TAOK1: variants seen among roughly 807,000 people sequenced by gnomAD.
TAOK1 encodes TAO kinase 1.
A neutral mutation model predicts 138.3 loss-of-function variants in TAOK1; 21 were observed. That is an observed-to-expected ratio of 0.15 (90% CI 0.11 to 0.22). The LOEUF (loss-of-function observed/expected upper bound fraction) is 0.22. Ranked by LOEUF, TAOK1 falls within the 10% of genes least tolerant of loss-of-function variation. The pLI, the probability that TAOK1 is intolerant of heterozygous loss-of-function variation, is 1.00. For missense variants in TAOK1, 651 were observed against 1,227.7 expected (o/e 0.53, Z 7.02); for synonymous variants, 361 against 398.4 (o/e 0.91, Z 1.12).
In TAOK1 at chr17:29,517,673, A is replaced by T; in HGVS notation, c.1908+17A>T. 1 of 1,580,858 alleles carries T rather than the reference A, an allele frequency of 6.3e-7. No homozygotes were observed. Among genetic ancestry groups the T allele is most frequent in the Non-Finnish European group, 8.6e-7 (1 of 1,167,316 alleles). On this transcript the variant is annotated intron_variant, in intron 16 of 19. Transcript: ENST00000261716. ...GTCAGGGAGGTAAGTTTGAGTGATG[A>T]GAAATTTTAAATCCTTTATCAAAAG...
chr17:29,424,207 C>G (rs529364934), intron 1 of TAOK1, among the ~76,000 whole-genome samples: 46 of 151,822 alleles, frequency 3.0e-4, no homozygotes, highest in African/African-American at 1.1e-3. Flanking sequence ...GAGGCCGAGA[C>G]GGGCAGATCA....
chr17:29,528,718 T>C (rs2032053734), intron 17 of TAOK1, among the ~76,000 whole-genome samples: 1 of 151,032 alleles, frequency 6.6e-6, no homozygotes, highest in African/African-American at 2.4e-5. Flanking sequence ...TGCAAGCCTG[T>C]AATCCCCACT....
At chr17:29,466,004 G>A (rs1308755484) in intron 2 of TAOK1, among the ~76,000 whole-genome samples, 3 of 151,562 alleles carry the variant, frequency 2.0e-5, no homozygotes, top group African/African-American at 7.3e-5. Flanking sequence ...TAAGAGTTTG[G>A]CCTTCTCTAC....
chr17:29,473,030 A>G (rs1288244706), intron 3 of TAOK1, among the ~76,000 whole-genome samples: 1 of 152,226 alleles, frequency 6.6e-6, no homozygotes, highest in Non-Finnish European at 1.5e-5. Flanking sequence ...GGCAAAGACC[A>G]GTAATATTTT....
chr17:29,429,132 T>C (rs1362838686), intron 1 of TAOK1, among the ~76,000 whole-genome samples: 1 of 152,158 alleles, frequency 6.6e-6, no homozygotes, highest in African/African-American at 2.4e-5. Context: ...GGTATTCTTA[T>C]GGAAGCAGAT....
In TAOK1 at chr17:29,545,575, T is replaced by A. The variant is rs1485439488; in HGVS notation, c.*2553T>A. ...TTTACATGTAGGTCATGACTATACC[T>A]GGATTTTATCATTAAGTTAACTTTA... is the stretch of plus-strand genomic sequence containing the variant. On this transcript the variant is annotated 3_prime_UTR_variant, in exon 20 of 20. Coordinates refer to ENST00000261716, the MANE Select transcript of TAOK1 (RefSeq NM_020791.4). 1 of 152,208 alleles carries A rather than the reference T, an allele frequency of 6.6e-6. No homozygotes were observed. The highest frequency in any genetic ancestry group is 1.5e-5 in the Non-Finnish European group (1 of 68,020). The allele number at this position is 152,208 out of a possible 1,614,324, so 9.4% of individuals were successfully genotyped here. A position where few individuals can be genotyped will look rare whatever the true frequency, so the allele number is the denominator to read the frequency against.
At chr17:29,400,904 C>CTTTTT (rs10539936) in intron 1 of TAOK1, among the ~76,000 whole-genome samples, 6 of 105,246 alleles carry the variant, frequency 5.7e-5, no homozygotes, top group African/African-American at 1.8e-4. Flanking sequence ...TTGTTTGCCT[C>CTTTTT]TTTTTTTTTT....
At chr17:29,468,193 G>A (rs2030726884) in intron 3 of TAOK1, among the ~76,000 whole-genome samples, 1 of 135,932 alleles carries the variant, frequency 7.4e-6, no homozygotes, top group African/African-American at 2.8e-5. Context: ...CTGGAGTGCA[G>A]TGGTGCGATC....
intron 8 of TAOK1, 52 bp downstream of exon 8, chr17:29,482,340 T>A (rs1246713762): frequency 1.5e-6 from 2 of 1,347,980 alleles, no homozygotes; most frequent in Non-Finnish European, 1.0e-6. Context: ...ATGTTTTACC[T>A]CAATTTCTGT....
chr17:29,406,277 C>A (rs774165871), intron 1 of TAOK1, among the ~76,000 whole-genome samples: 1 of 151,592 alleles, frequency 6.6e-6, no homozygotes, highest in African/African-American at 2.4e-5. Flanking sequence ...GATTGAGAAC[C>A]ATTTATTTAA....
intron 1 of TAOK1, among the ~76,000 whole-genome samples, chr17:29,448,411 GTCAAGTTTTC>G (rs1567721264): frequency 6.6e-6 from 1 of 152,088 alleles, no homozygotes; most frequent in African/African-American, 2.4e-5. Context: ...CAAATGGATT[GTCAAGTTTTC>G]TCAACCTTTA....
At chr17:29,401,614 ATTTGG>A (rs1424160926) in intron 1 of TAOK1, among the ~76,000 whole-genome samples, 2 of 151,840 alleles carry the variant, frequency 1.3e-5, no homozygotes, top group Non-Finnish European at 2.9e-5. Flanking sequence ...TTAACATGAG[ATTTGG>A]GTAGGGACAC....
rs962717916 is a variant in TAOK1, at chr17:29,462,501, C to A, written c.133-4644C>A. Among the ~76,000 whole-genome samples, 4 of 152,164 alleles carry A rather than the reference C, an allele frequency of 2.6e-5. No individual in the cohort carries two copies. In the East Asian group the frequency reaches 7.7e-4, roughly 29 times the overall value. ...AGACCATGTATGGTCCCAGCAAAAT[C>A]ATTTATTTACTTTCTAACAAAGTGG... On this transcript the variant is annotated intron_variant, in intron 2 of 19. Coordinates refer to ENST00000261716, the MANE Select transcript of TAOK1 (RefSeq NM_020791.4).
At chr17:29,474,431 TTTGAA>T (rs1285037141) in intron 3 of TAOK1, among the ~76,000 whole-genome samples, 1 of 152,176 alleles carries the variant, frequency 6.6e-6, no homozygotes, top group Non-Finnish European at 1.5e-5. Context: ...ACTTGTAAGT[TTTGAA>T]TTGAAGTGAC....
At chr17:29,466,843 C>T (rs953649704) in intron 2 of TAOK1, among the ~76,000 whole-genome samples, 2 of 152,124 alleles carry the variant, frequency 1.3e-5, no homozygotes, top group Admixed American at 1.3e-4. Flanking sequence ...CTTTTATACA[C>T]TTGTATTGCA....
At chr17:29,504,976 C>T (rs1322905884) in intron 13 of TAOK1, among the ~76,000 whole-genome samples, 1 of 152,094 alleles carries the variant, frequency 6.6e-6, no homozygotes, top group Admixed American at 6.6e-5. Context: ...GGTAACTTGG[C>T]ATAAGTTAAA....
chr17:29,533,037 C>T lies in TAOK1; in HGVS notation c.2362-1081C>T, dbSNP rs543976446. Reference sequence around the variant, plus strand: ...GGGGGGCTGACCCCCACCTCCCTCCCGGATGGGGTGGCTGCCGGGCGGAGA... The same window carrying T: ...GGGGGGCTGACCCCCACCTCCCTCCTGGATGGGGTGGCTGCCGGGCGGAGA... On this transcript the variant is annotated intron_variant, in intron 18 of 19. Coordinates refer to ENST00000261716, the MANE Select transcript of TAOK1 (RefSeq NM_020791.4). 3.1e-3 allele frequency among the ~76,000 whole-genome samples: 314 copies of T among 101,810 alleles called. 3 individuals carry two copies. Among genetic ancestry groups the T allele is most frequent in the African/African-American group, 0.01 (292 of 28,080 alleles). 66.8% of individuals were successfully genotyped at this position (101,810 alleles called of 152,430 possible). A position where few individuals can be genotyped will look rare whatever the true frequency, so the allele number is the denominator to read the frequency against.
Position 29,491,845 on chromosome 17 carries a change from A to C in TAOK1, c.811A>C (p.Thr271Pro), listed in dbSNP as rs766582327. ...CLQKIPQDRPTSEELLKHIFV... is the reference protein window; with the variant it reads ...CLQKIPQDRPPSEELLKHIFV... ...CCAGAAAATCCCTCAAGATCGACCTACATCAGAGGAACTTTTAAAGGTCAG... is the reference window on the plus strand; with the variant it reads ...CCAGAAAATCCCTCAAGATCGACCTCCATCAGAGGAACTTTTAAAGGTCAG... The change falls in exon 10 of 20, where the codon ACA becomes CCA. Residue 271 changes from threonine (T) to proline (P), a missense_variant. This residue lies in a region of TAOK1 where 39 missense variants were observed against 52.5 expected (regional missense o/e 0.74). Transcript: ENST00000261716. The C allele has an allele frequency of 1.2e-6, 2 of 1,613,156 alleles. No homozygotes were observed. The highest frequency in any genetic ancestry group is 2.2e-5 in the South Asian group (2 of 91,026).
At chr17:29,499,061 A>G (rs922354072) in intron 12 of TAOK1, among the ~76,000 whole-genome samples, 1 of 152,152 alleles carries the variant, frequency 6.6e-6, no homozygotes, top group African/African-American at 2.4e-5. Context: ...TAGAAGAAAA[A>G]GTACAGAAAC....
Sources: allele counts gnomAD v4.1 joint callset (sites outside exome capture counted in the v4.1 genomes callset), GRCh38; gene constraint gnomAD v4.1.1; regional missense constraint gnomAD v4.1.1; transcripts MANE v1.5; gene names NCBI Gene and HGNC (gene_info 2026-07-23, HGNC 2026-07-21).